The following WWOX variants were observed in gnomAD, a reference collection of about 807,000 sequenced individuals.
WWOX encodes the protein WW domain-containing oxidoreductase.
In WWOX, 69 loss-of-function variants were observed where a neutral mutation model predicts 46.2. That is an observed-to-expected ratio of 1.49 (90% confidence interval 1.23 to 1.82). The LOEUF is 1.82. Ranked by LOEUF, WWOX falls within the 40% of genes most tolerant of loss-of-function variation. The probability of loss-of-function intolerance (pLI) is 0.00; values close to 1 mark genes in which losing one functional copy is unlikely to be tolerated. For missense variants in WWOX, 919 were observed against 542.6 expected (o/e 1.69, Z -6.89); for synonymous variants, 359 against 202.6 (o/e 1.77, Z -6.56).
rs181027925 is a variant in WWOX, at chr16:78,311,668, G to A, written c.517-75192G>A. Among the ~76,000 whole-genome samples the A allele has an allele frequency of 4.0e-3, 610 of 152,310 alleles. 21 individuals carry two copies. Among genetic ancestry groups the A allele is most frequent in the Admixed American group, 0.034 (523 of 15,306 alleles). ...AGTGGTAATGGCTGTAGGAGAGATGGGGAGTAGGAGAAGAAAAGCCAAAGG... is the reference window on the plus strand; with the variant it reads ...AGTGGTAATGGCTGTAGGAGAGATGAGGAGTAGGAGAAGAAAAGCCAAAGG... On this transcript the variant is annotated intron_variant, in intron 5 of 8. Coordinates refer to ENST00000566780, the MANE Select transcript of WWOX (RefSeq NM_016373.4).
In WWOX at chr16:78,348,454, C is replaced by T. The variant is rs568685598; in HGVS notation, c.517-38406C>T. Among the ~76,000 whole-genome samples the T allele has an allele frequency of 7.5e-5, 9 of 120,528 alleles. 3 individuals carry two copies. The highest frequency in any genetic ancestry group is 1.7e-4 in the African/African-American group (6 of 35,472). The allele number at this position is 120,528 out of a possible 152,430, so 79.1% of individuals were successfully genotyped here. On this transcript the variant is annotated intron_variant, in intron 5 of 8. Transcript: ENST00000566780. ...AAAGAGCTCGATACATATACTGATG[C>T]GGTGTTTATTTTATTTTAGTTTTTT...
intron 8 of WWOX, among the ~76,000 whole-genome samples, chr16:78,468,859 C>G (rs2084151054): frequency 6.6e-6 from 1 of 152,188 alleles, no homozygotes; most frequent in Admixed American, 6.5e-5. Flanking sequence ...TTCTGTGGGT[C>G]TTTCTTTGGG....
chr16:78,108,286 A>G (rs904973413), intron 1 of WWOX, 137 bp from the exon 2 acceptor site: 4 of 841,806 alleles, frequency 4.8e-6, no homozygotes, highest in East Asian at 5.7e-5. Flanking sequence ...AGCTGGGGTC[A>G]CAGTCCTCTT....
intron 8 of WWOX, among the ~76,000 whole-genome samples, chr16:78,607,080 A>C (rs1178533925): frequency 6.6e-6 from 1 of 152,162 alleles, no homozygotes; most frequent in East Asian, 1.9e-4. Context: ...GGGGCTGTGG[A>C]AGAGTTGCCA....
At chr16:78,519,434 A>G (rs549868759) in intron 8 of WWOX, among the ~76,000 whole-genome samples, 23 of 152,184 alleles carry the variant, frequency 1.5e-4, no homozygotes, top group African/African-American at 5.3e-4. Context: ...AAACATGTTA[A>G]CAGTCTAATG....
intron 8 of WWOX, among the ~76,000 whole-genome samples, chr16:79,033,648 A>G (rs2047809438): frequency 6.6e-6 from 1 of 152,118 alleles, no homozygotes; most frequent in Non-Finnish European, 1.5e-5. Flanking sequence ...CATCATGACC[A>G]TCCATCTCCA....
intron 8 of WWOX, among the ~76,000 whole-genome samples, chr16:79,165,361 A>G (rs1441213719): frequency 6.6e-6 from 1 of 152,190 alleles, no homozygotes; most frequent in Non-Finnish European, 1.5e-5. Context: ...TCGTGGAAAC[A>G]ACATGGGCTT....
At chr16:78,143,827 C>T (rs910460731) in intron 4 of WWOX, among the ~76,000 whole-genome samples, 3 of 138,856 alleles carry the variant, frequency 2.2e-5, no homozygotes, top group Non-Finnish European at 3.0e-5. Flanking sequence ...CGTTTCCTTA[C>T]CTTGGTTGCC....
chr16:79,102,570 A>G (rs907848321), intron 8 of WWOX, among the ~76,000 whole-genome samples: 7 of 152,224 alleles, frequency 4.6e-5, no homozygotes, highest in South Asian at 2.1e-4. Flanking sequence ...TTGAAGCTCA[A>G]TATATAGCAA....
intron 8 of WWOX, among the ~76,000 whole-genome samples, chr16:78,590,827 G>A (rs542599677): frequency 6.6e-6 from 1 of 152,270 alleles, no homozygotes; most frequent in Non-Finnish European, 1.5e-5. Context: ...AATGGGAGGT[G>A]TGCCTGGGAT....
At chr16:78,197,104 C>T (rs2036078255) in intron 5 of WWOX, among the ~76,000 whole-genome samples, 1 of 152,190 alleles carries the variant, frequency 6.6e-6, no homozygotes, top group South Asian at 2.1e-4. Context: ...ACTTGACCTC[C>T]ATTATTCCTT....
intron 6 of WWOX, among the ~76,000 whole-genome samples, chr16:78,418,112 A>T (rs139229105): frequency 0.015 from 2,236 of 152,234 alleles, 21 homozygotes; most frequent in Non-Finnish European, 0.022. Flanking sequence ...TGTAATCCCA[A>T]CACTTTGGGA....
intron 8 of WWOX, among the ~76,000 whole-genome samples, chr16:79,002,927 A>C (rs571633844): frequency 6.6e-6 from 1 of 152,248 alleles, no homozygotes; most frequent in East Asian, 1.9e-4. Flanking sequence ...GAAATGCATT[A>C]GAGCTCAAAA....
intron 8 of WWOX, among the ~76,000 whole-genome samples, chr16:78,498,904 T>C (rs537318902): frequency 2.0e-5 from 3 of 152,304 alleles, no homozygotes; most frequent in South Asian, 4.1e-4. Context: ...CTTCCTCGAT[T>C]GTCTCTCCTT....
At chr16:78,709,331 G>A (rs2048389624) in intron 8 of WWOX, among the ~76,000 whole-genome samples, 1 of 152,328 alleles carries the variant, frequency 6.6e-6, no homozygotes, top group East Asian at 1.9e-4. Context: ...TGATCACAGA[G>A]AGAAGCTTGT....
chr16:79,193,389 G>C (rs1033974767), intron 8 of WWOX, among the ~76,000 whole-genome samples: 7 of 152,160 alleles, frequency 4.6e-5, no homozygotes, highest in Admixed American at 2.0e-4. Flanking sequence ...TCCCCAAACT[G>C]CTTTTATTCT....
intron 5 of WWOX, among the ~76,000 whole-genome samples, chr16:78,314,526 G>C (rs112626642): frequency 7.5e-6 from 1 of 132,914 alleles, no homozygotes; most frequent in Non-Finnish European, 1.6e-5. Flanking sequence ...AATTTGTGGG[G>C]TTTTTTTTTT....
At chr16:78,558,437 A>C (rs981133059) in intron 8 of WWOX, among the ~76,000 whole-genome samples, 1 of 152,258 alleles carries the variant, frequency 6.6e-6, no homozygotes, top group Non-Finnish European at 1.5e-5. Context: ...TCGACAAAGC[A>C]GATCTGGCAT....
chr16:78,767,756 A>G (rs568804403), intron 8 of WWOX, among the ~76,000 whole-genome samples: 115 of 152,280 alleles, frequency 7.6e-4, no homozygotes, highest in African/African-American at 2.6e-3. Flanking sequence ...TAGAATAGCC[A>G]TCTGAGTGAA....
Sources: allele counts gnomAD v4.1 joint callset (sites outside exome capture counted in the v4.1 genomes callset), GRCh38; gene constraint gnomAD v4.1.1; transcripts MANE v1.5; gene names NCBI Gene and HGNC (gene_info 2026-07-23, HGNC 2026-07-21).